PLEKHA7: variants seen among roughly 807,000 people sequenced by gnomAD.
The protein encoded by PLEKHA7 is pleckstrin homology domain containing A7.
A neutral mutation model predicts 170.0 loss-of-function variants in PLEKHA7; 104 were observed. The ratio of observed to expected loss-of-function variants is 0.61; its 90% CI spans 0.52 to 0.72. PLEKHA7 has a LOEUF of 0.72. Ranked by LOEUF, PLEKHA7 falls within the 30% of genes least tolerant of loss-of-function variation. The pLI, the probability that PLEKHA7 is intolerant of heterozygous loss-of-function variation, is 0.00. For synonymous variants in PLEKHA7, 648 were observed against 660.8 expected (o/e 0.98, Z 0.30); for missense variants, 1,615 against 1,671.7 (o/e 0.97, Z 0.59).
intron 3 of PLEKHA7, among the ~76,000 whole-genome samples, chr11:16,964,201 T>C (rs1207584826): frequency 6.6e-6 from 1 of 152,216 alleles, no homozygotes; most frequent in African/African-American, 2.4e-5. Flanking sequence ...TCACATTTTG[T>C]TGATCCATTC....
intron 17 of PLEKHA7, among the ~76,000 whole-genome samples, chr11:16,797,108 G>A (rs901156920): frequency 6.6e-6 from 1 of 152,092 alleles, no homozygotes; most frequent in Admixed American, 6.5e-5. Flanking sequence ...AATGGGGAAG[G>A]ACCTAGGCTA....
chr11:16,867,983 C>A (rs1489651060), intron 4 of PLEKHA7, among the ~76,000 whole-genome samples: 1 of 152,176 alleles, frequency 6.6e-6, no homozygotes, highest in Non-Finnish European at 1.5e-5. Context: ...CTCCAGAATC[C>A]ACCCAGTGCT....
At chr11:16,805,096 G>C (rs778986756) in intron 13 of PLEKHA7, among the ~76,000 whole-genome samples, 5 of 152,180 alleles carry the variant, frequency 3.3e-5, no homozygotes, top group Non-Finnish European at 5.9e-5. Flanking sequence ...TCTCCAAACC[G>C]GCTGACCTTT....
chr11:16,990,279 A>AT, intron 3 of PLEKHA7, among the ~76,000 whole-genome samples: 1 of 119,718 alleles, frequency 8.4e-6, no homozygotes, highest in Non-Finnish European at 1.7e-5. Flanking sequence ...GTCTCAAAAA[A>AT]AAAAAAAAAA....
intron 25 of PLEKHA7, 64 bp from the exon 26 acceptor site, chr11:16,782,960 G>A: frequency 6.7e-7 from 1 of 1,495,466 alleles, no homozygotes; most frequent in South Asian, 1.2e-5. Context: ...CAGGAGTGGA[G>A]GGTCTCCCTG....
Position 16,813,068 on chromosome 11 carries a change from G to A in PLEKHA7, c.2007+45C>T, listed in dbSNP as rs771211467. 4.4e-6 allele frequency: 7 copies of A among 1,574,868 alleles called. No homozygotes were observed. In the African/African-American group the frequency reaches 9.4e-5, roughly 21 times the overall value. ...TGGCTCCAGTGAGGTGACACTCTCAGAAAGGTGAGTATGCAAGGAAGGCAG... is the reference window on the plus strand; with the variant it reads ...TGGCTCCAGTGAGGTGACACTCTCAAAAAGGTGAGTATGCAAGGAAGGCAG... On this transcript the variant is annotated intron_variant, in intron 13 of 26. Coordinates refer to ENST00000531066, the MANE Select transcript of PLEKHA7 (RefSeq NM_001329630.2).
chr11:16,944,226 C>T (rs1383235745), intron 3 of PLEKHA7, among the ~76,000 whole-genome samples: 7 of 151,996 alleles, frequency 4.6e-5, no homozygotes, highest in East Asian at 1.9e-4. Flanking sequence ...TGGTGGCGGG[C>T]GCCTGTAATC....
chr11:16,809,797 G>A (rs868218870), intron 13 of PLEKHA7, among the ~76,000 whole-genome samples: 8 of 152,282 alleles, frequency 5.3e-5, no homozygotes, highest in Middle Eastern at 3.4e-3. Flanking sequence ...TGCCATCCAC[G>A]TGTCTTAATT....
Position 16,786,263 on chromosome 11 carries a change from TC to T in PLEKHA7, c.3481del (p.Glu1161SerfsTer28). On this transcript the variant is annotated frameshift_variant, in exon 24 of 27. Coordinates refer to ENST00000531066, the MANE Select transcript of PLEKHA7 (RefSeq NM_001329630.2). LOFTEE classifies it high-confidence loss of function. The part of the protein sequence containing the change: ...QAMPVTELDL[E>X]PQDYDLDISR... ...GATGTCCAAGTCATAGTCTTGAGGC[TC>T]CAGGTCCAACTCAGTGACAGGCATG... 1 of 1,536,146 alleles carries T rather than the reference TC, an allele frequency of 6.5e-7. No homozygotes were observed.
intron 17 of PLEKHA7, among the ~76,000 whole-genome samples, chr11:16,797,871 C>T (rs923980001): frequency 3.3e-5 from 5 of 152,116 alleles, no homozygotes; most frequent in Non-Finnish European, 5.9e-5. Flanking sequence ...CTTTCTGTCA[C>T]CCCCACATGT....
chr11:16,854,433 G>A (rs1341209744), intron 6 of PLEKHA7, among the ~76,000 whole-genome samples: 2 of 152,236 alleles, frequency 1.3e-5, no homozygotes, highest in South Asian at 2.1e-4. Context: ...CCAAGGTGGT[G>A]AGGAGATAAT....
intron 3 of PLEKHA7, among the ~76,000 whole-genome samples, chr11:17,010,163 G>A (rs997715224): frequency 5.3e-5 from 8 of 152,052 alleles, no homozygotes; most frequent in African/African-American, 1.9e-4. Flanking sequence ...TGAGGCAGGC[G>A]GATCACTTCA....
intron 3 of PLEKHA7, among the ~76,000 whole-genome samples, chr11:16,872,573 G>A (rs1237237484): frequency 6.6e-6 from 1 of 152,054 alleles, no homozygotes; most frequent in East Asian, 1.9e-4. Context: ...AGGTGGGAAT[G>A]CAGTGGGGTG....
Position 16,816,886 on chromosome 11 carries a change from C to G in PLEKHA7, c.1780G>C (p.Val594Leu). The G allele has an allele frequency of 6.2e-7, 1 of 1,614,160 alleles. No homozygotes were observed. The highest frequency in any genetic ancestry group is 8.5e-7 in the Non-Finnish European group (1 of 1,180,038). The change falls in exon 11 of 27, where the codon GTC (valine) becomes CTC (leucine). Residue 594 changes from valine to leucine, a missense_variant. By Grantham distance (32) the Val-to-Leu change is conservative. Coordinates refer to ENST00000531066, the MANE Select transcript of PLEKHA7 (RefSeq NM_001329630.2). ...CTCTGGTCCGGTGGCTTCACTGTGA[C>G]TCGCTCTGCTGGTGTGTGTGGCCGC... ...PRRPHTPAER[V>L]TVKPPDQRRS...
chr11:16,923,235 GA>G (rs1859230010), intron 3 of PLEKHA7, among the ~76,000 whole-genome samples: 2 of 152,236 alleles, frequency 1.3e-5, no homozygotes, highest in South Asian at 2.1e-4. Context: ...TGAGACGTTA[GA>G]CGGCTGGCTT....
intron 3 of PLEKHA7, among the ~76,000 whole-genome samples, chr11:16,954,811 C>A (rs1197803813): frequency 6.6e-6 from 1 of 151,970 alleles, no homozygotes; most frequent in African/African-American, 2.4e-5. Context: ...CTGCTTCAGC[C>A]TCCGGAGTAG....
rs1444528902 is a variant in PLEKHA7, at chr11:16,836,585, GACAGGCAAGATTT to G, written c.872+4949_872+4961del. Among the ~76,000 whole-genome samples, 3 of 152,226 alleles carry G rather than the reference GACAGGCAAGATTT, an allele frequency of 2.0e-5. No homozygotes were observed. The East Asian group carries it at 5.8e-4, about 29-fold the overall frequency. ...TCCAAGGCAAAACACCAAACTGGAA[GACAGGCAAGATTT>G]AGTCTGCCTGACGAATAATTTTAAC... On this transcript the variant is annotated intron_variant, in intron 9 of 26. Transcript: ENST00000531066.
chr11:16,950,967 G>A (rs1861371600), intron 3 of PLEKHA7, among the ~76,000 whole-genome samples: 1 of 152,174 alleles, frequency 6.6e-6, no homozygotes, highest in South Asian at 2.1e-4. Context: ...AGCATCCATC[G>A]CAGGCCTGCC....
chr11:16,804,963 T>C lies in PLEKHA7; in HGVS notation c.2008-1668A>G, dbSNP rs866310306. On this transcript the variant is annotated intron_variant, in intron 13 of 26. Transcript: ENST00000531066. ...CTGGTGAATCACAAACAGCTGAACT[T>C]CTCAGGCAGAATGTGGGTTTTAAAC... 3.3e-5 allele frequency among the ~76,000 whole-genome samples: 5 copies of C among 152,260 alleles called. No homozygotes were observed. In the South Asian group the frequency reaches 1.0e-3, roughly 32 times the overall value.
Sources: gnomAD v4.1 joint callset for allele counts (sites outside exome capture counted in the v4.1 genomes callset) on GRCh38, gnomAD v4.1.1 for gene constraint, MANE v1.5 for transcripts, NCBI Gene and HGNC (gene_info 2026-07-23, HGNC 2026-07-21) for gene names.